The following CCDC18 variants were observed in gnomAD, a reference collection of about 807,000 sequenced individuals.
CCDC18 encodes coiled-coil domain containing 18.
In CCDC18, 157 loss-of-function variants were observed where a neutral mutation model predicts 196.0. The observed-to-expected ratio is 0.80, with a 90% CI of 0.70 to 0.91. The LOEUF (loss-of-function observed/expected upper bound fraction) is 0.91, where lower values mean the gene tolerates loss of function less well. Ranked by LOEUF, CCDC18 falls within the 40% of genes least tolerant of loss-of-function variation. The pLI, the probability that CCDC18 is intolerant of heterozygous loss-of-function variation, is 0.00. For synonymous variants in CCDC18, 482 were observed against 529.2 expected, an observed-to-expected ratio of 0.91 and a Z score of 1.22; for missense variants, 1,465 against 1,611.6, an observed-to-expected ratio of 0.91 and a Z score of 1.56.
In CCDC18 at chr1:93,186,410, T is replaced by C. The variant is rs1322001543; in HGVS notation, c.369T>C (p.Leu123=). Residue 123 remains leucine (L), a synonymous_variant, in exon 4 of 29, where the codon CTT becomes CTC. Coordinates refer to ENST00000690025, the MANE Select transcript of CCDC18 (RefSeq NM_001378204.1). ...GCCTTCGAGAGAAACTAAATAAACT[T>C]AGGCAACAGAATGCTTGTTTGGTCA... The part of the protein sequence containing the change: ...IKSLREKLNK[L]RQQNACLVTQ... 6.2e-7 allele frequency: 1 copy of C among 1,612,416 alleles called. No homozygotes were observed. Among genetic ancestry groups the C allele is most frequent in the Non-Finnish European group, 8.5e-7 (1 of 1,178,854 alleles).
chr1:93,278,049 C>T (rs781274420), intron 28 of CCDC18, among the ~76,000 whole-genome samples: 3 of 151,846 alleles, frequency 2.0e-5, no homozygotes, highest in Non-Finnish European at 4.4e-5. Flanking sequence ...TGCAGTGGTG[C>T]GATCTCGGCT....
Position 93,234,687 on chromosome 1 carries a change from G to A in CCDC18, c.2461-1561G>A, listed in dbSNP as rs190257283. Among the ~76,000 whole-genome samples, 610 of 152,066 alleles carry A rather than the reference G, an allele frequency of 4.0e-3. 3 individuals are homozygous for A. Among genetic ancestry groups the A allele is most frequent in the Admixed American group, 0.011 (163 of 15,278 alleles). On this transcript the variant is annotated intron_variant, in intron 18 of 28. Coordinates refer to ENST00000690025, the MANE Select transcript of CCDC18 (RefSeq NM_001378204.1). ...CTCTATTTAATTAAGAATTGAGTAG[G>A]TGGATTTTCCTTGGTTCCTTTCCCT...
chr1:93,274,450 A>G (rs1402654901), intron 28 of CCDC18, among the ~76,000 whole-genome samples: 1 of 152,152 alleles, frequency 6.6e-6, no homozygotes, highest in Non-Finnish European at 1.5e-5. Context: ...CATAACAGAT[A>G]GAATAATTTC....
chr1:93,256,994 G>A (rs1314096956), intron 25 of CCDC18, among the ~76,000 whole-genome samples: 2 of 151,946 alleles, frequency 1.3e-5, no homozygotes, highest in African/African-American at 2.4e-5. Flanking sequence ...TTGGGAGGCC[G>A]AGGCAGGCGG....
At chr1:93,270,235 A>T (rs1247531278) in intron 27 of CCDC18, 112 bp from the exon 28 acceptor site, 11 of 662,134 alleles carry the variant, frequency 1.7e-5, no homozygotes, top group Non-Finnish European at 2.9e-5. Context: ...TTATAAACAG[A>T]ATTCCTATAG....
chr1:93,225,776 C>CAA (rs34857910), intron 16 of CCDC18, among the ~76,000 whole-genome samples: 45 of 130,460 alleles, frequency 3.4e-4, no homozygotes, highest in East Asian at 2.6e-3. Context: ...GACTTTGTCT[C>CAA]AAAAAAAAAA....
rs1321166024 is a variant in CCDC18, at chr1:93,202,000, T to C, written c.795+12T>C. 1 of 1,531,828 alleles carries C rather than the reference T, an allele frequency of 6.5e-7. No homozygotes were observed. The highest frequency in any genetic ancestry group is 1.7e-5 in the Admixed American group (1 of 57,342). 94.9% of individuals were successfully genotyped at this position (1,531,828 alleles called of 1,614,324 possible). On this transcript the variant is annotated intron_variant, in intron 7 of 28. Coordinates refer to ENST00000690025, the MANE Select transcript of CCDC18 (RefSeq NM_001378204.1). ...AAAAACTGGAAAAGGTAAAAGGCAG[T>C]TGTGCAAATTCAGTGTTTTGTATTA... is the stretch of plus-strand genomic sequence containing the variant.
chr1:93,183,794 TAC>T (rs1650159159), intron 2 of CCDC18, among the ~76,000 whole-genome samples, 182 bp from the exon 3 acceptor site: 1 of 147,344 alleles, frequency 6.8e-6, no homozygotes, highest in Non-Finnish European at 1.5e-5. Flanking sequence ...GCTTTAGAAA[TAC>T]AGTTTGCTAG....
chr1:93,184,165 AT>A lies in CCDC18; in HGVS notation c.303+20del. ...AGATAAGGTTATTGTTTTTAGACCT[AT>A]CTAGTTAAAAGAAGTTTTGGTTTTA... On this transcript the variant is annotated intron_variant, in intron 3 of 28. Coordinates refer to ENST00000690025, the MANE Select transcript of CCDC18 (RefSeq NM_001378204.1). 7.3e-7 allele frequency: 1 copy of A among 1,362,438 alleles called. No homozygotes were observed. Among genetic ancestry groups the A allele is most frequent in the Non-Finnish European group, 9.6e-7 (1 of 1,040,572 alleles). The allele number at this position is 1,362,438 out of a possible 1,614,324, so 84.4% of individuals were successfully genotyped here. A position where few individuals can be genotyped will look rare whatever the true frequency, so the allele number is the denominator to read the frequency against.
chr1:93,221,992 CAG>C, intron 16 of CCDC18, 56 bp downstream of exon 16: 1 of 1,131,112 alleles, frequency 8.8e-7, no homozygotes. Context: ...TTTTAACAGA[CAG>C]AATCTCTCTC....
intron 25 of CCDC18, among the ~76,000 whole-genome samples, chr1:93,258,345 C>T (rs1181662984): frequency 2.0e-5 from 3 of 151,996 alleles, no homozygotes; most frequent in African/African-American, 7.2e-5. Flanking sequence ...ATTACAAGCA[C>T]AGTTAGCTAA....
Position 93,217,847 on chromosome 1 carries a change from A to C in CCDC18, c.1940A>C (p.Glu647Ala), listed in dbSNP as rs1489022814. ...AAAATTCACTTGGAACAGCATAAAG[A>C]AATGGAAAAGCAGATTGAAAGAGTA... ...AKKIHLEQHK[E>A]MEKQIERLEA... The change falls in exon 14 of 29, where the codon GAA becomes GCA. Residue 647 changes from glutamate to alanine, a missense_variant. Glu to Ala is a moderately radical substitution (Grantham distance 107). Coordinates refer to ENST00000690025, the MANE Select transcript of CCDC18 (RefSeq NM_001378204.1). The C allele has an allele frequency of 1.2e-6, 2 of 1,611,446 alleles. No individual in the cohort carries two copies. The highest frequency in any genetic ancestry group is 4.5e-5 in the East Asian group (2 of 44,848).
chr1:93,275,853 TCTGCA>T (rs1399012873), intron 28 of CCDC18, among the ~76,000 whole-genome samples: 2 of 152,270 alleles, frequency 1.3e-5, no homozygotes, highest in African/African-American at 2.4e-5. Flanking sequence ...TCAAATTTAA[TCTGCA>T]CTATTAAAAA....
chr1:93,249,186 A>G (rs1661910375), intron 23 of CCDC18, among the ~76,000 whole-genome samples: 1 of 151,906 alleles, frequency 6.6e-6, no homozygotes. Flanking sequence ...TCATGGTTCA[A>G]TCTCAGTAGG....
intron 21 of CCDC18, among the ~76,000 whole-genome samples, chr1:93,241,191 G>A (rs1178897069): frequency 2.0e-5 from 3 of 151,888 alleles, no homozygotes; most frequent in Non-Finnish European, 4.4e-5. Context: ...CTGACCTCAG[G>A]TGATCCATCC....
At chr1:93,222,579 T>C (rs1657620163) in intron 16 of CCDC18, among the ~76,000 whole-genome samples, 1 of 152,184 alleles carries the variant, frequency 6.6e-6, no homozygotes, top group Non-Finnish European at 1.5e-5. Context: ...GTTAAAAACA[T>C]GGGCTTTGTT....
At chr1:93,267,525 T>C (rs1289761090) in intron 27 of CCDC18, among the ~76,000 whole-genome samples, 1 of 152,216 alleles carries the variant, frequency 6.6e-6, no homozygotes, top group East Asian at 1.9e-4. Context: ...GATGACATGA[T>C]TGTATATTTA....
Position 93,184,010 on chromosome 1 carries a change from CT to C in CCDC18, c.168del (p.Asn57IlefsTer8). 1 of 1,563,136 alleles carries C rather than the reference CT, an allele frequency of 6.4e-7. No homozygotes were observed. The part of the protein sequence containing the change: ...VSPSENSDYA[P>X]NPSRSEKLIL... Reference sequence around the variant, plus strand: ...CCAAGTGAAAATTCTGATTATGCCCCTAATCCTTCAAGGTCTGAAAAGCTAA... The same window carrying C: ...CCAAGTGAAAATTCTGATTATGCCCCAATCCTTCAAGGTCTGAAAAGCTAA... On this transcript the variant is annotated frameshift_variant, in exon 3 of 29. Transcript: ENST00000690025. LOFTEE classifies it high-confidence loss of function.
intron 12 of CCDC18, 98 bp from the exon 13 acceptor site, chr1:93,216,538 T>C: frequency 1.8e-6 from 1 of 553,884 alleles, no homozygotes; most frequent in Non-Finnish European, 3.1e-6. Flanking sequence ...CTAGACACAA[T>C]GTATTTGAAC....
Sources: gnomAD v4.1 joint callset for allele counts (sites outside exome capture counted in the v4.1 genomes callset) on GRCh38, gnomAD v4.1.1 for gene constraint, MANE v1.5 for transcripts, NCBI Gene and HGNC (gene_info 2026-07-23, HGNC 2026-07-21) for gene names.